The following REXO5 variants were observed in gnomAD, a reference collection of about 807,000 sequenced individuals.
REXO5 encodes the protein RNA exonuclease 5, also known as exonuclease NEF-sp.
A neutral mutation model predicts 88.5 loss-of-function variants in REXO5; 48 were observed. The observed-to-expected ratio is 0.54, with a 90% confidence interval of 0.43 to 0.69. The LOEUF (loss-of-function observed/expected upper bound fraction) is 0.69, where lower values mean the gene tolerates loss of function less well. REXO5 is among the 30% of genes least tolerant of loss of function. The pLI, the probability that REXO5 is intolerant of heterozygous loss-of-function variation, is 0.00. For synonymous variants in REXO5, 311 were observed against 336.5 expected, an observed-to-expected ratio of 0.92 and a Z score of 0.83; for missense variants, 749 against 912.2, an observed-to-expected ratio of 0.82 and a Z score of 2.30.
At chr16:20,831,490 T>G (rs971093110) in intron 11 of REXO5, among the ~76,000 whole-genome samples, 1 of 152,180 alleles carries the variant, frequency 6.6e-6, no homozygotes, top group Admixed American at 6.5e-5. Context: ...TTGTGACAAA[T>G]GCACCATACA....
intron 15 of REXO5, among the ~76,000 whole-genome samples, chr16:20,841,070 G>A (rs988300258): frequency 6.6e-6 from 1 of 152,014 alleles, no homozygotes; most frequent in Admixed American, 6.6e-5. Context: ...GATTATGGGA[G>A]GGCTTTTGTT....
At chr16:20,827,963 A>T (rs142774480) in intron 10 of REXO5, among the ~76,000 whole-genome samples, 176 of 152,322 alleles carry the variant, frequency 1.2e-3, no homozygotes, top group African/African-American at 4.1e-3. Context: ...AGATCTATAT[A>T]TGCCTCAATA....
intron 11 of REXO5, among the ~76,000 whole-genome samples, chr16:20,831,397 G>T (rs762515636): frequency 5.3e-5 from 8 of 151,998 alleles, no homozygotes; most frequent in Non-Finnish European, 7.4e-5. Flanking sequence ...AGTGAAAATT[G>T]TGTCTCACTT....
intron 2 of REXO5, chr16:20,807,486 G>A (rs1039457557): frequency 5.1e-6 from 1 of 196,950 alleles, no homozygotes; most frequent in Non-Finnish European, 1.1e-5. Flanking sequence ...GGGAGGCTGA[G>A]GCAGGAGAAT....
chr16:20,833,539 T>C (rs187630491), intron 13 of REXO5, among the ~76,000 whole-genome samples: 72 of 152,378 alleles, frequency 4.7e-4, no homozygotes, highest in African/African-American at 1.7e-3. Context: ...TGTTTGTTTT[T>C]TTTTAACATT....
chr16:20,831,368 T>A (rs576475279), intron 11 of REXO5, among the ~76,000 whole-genome samples: 8 of 152,302 alleles, frequency 5.3e-5, no homozygotes, highest in African/African-American at 1.9e-4. Flanking sequence ...CTTGGGGCAC[T>A]TAATTATGCT....
chr16:20,815,285 A>AT (rs2081063924), intron 4 of REXO5, among the ~76,000 whole-genome samples: 1 of 152,168 alleles, frequency 6.6e-6, no homozygotes, highest in Non-Finnish European at 1.5e-5. Flanking sequence ...ATATTGTTCT[A>AT]TTTTATTTGG....
chr16:20,815,749 C>T (rs2081072343), intron 4 of REXO5, among the ~76,000 whole-genome samples: 1 of 152,192 alleles, frequency 6.6e-6, no homozygotes, highest in African/African-American at 2.4e-5. Flanking sequence ...CCCAGGTGAA[C>T]CTGAAGCTGA....
chr16:20,844,126 A>G (rs772928386), intron 16 of REXO5, 100 bp downstream of exon 16: 120 of 696,150 alleles, frequency 1.7e-4, no homozygotes, highest in Non-Finnish European at 2.7e-4. Context: ...CAAGAGGCCC[A>G]CGCACAAGAC....
intron 4 of REXO5, 111 bp downstream of exon 4, chr16:20,815,164 G>A (rs531487072): frequency 6.8e-5 from 84 of 1,230,242 alleles, no homozygotes; most frequent in Non-Finnish European, 8.9e-5. Flanking sequence ...AACAGTAGGG[G>A]ATATAGAAAG....
intron 16 of REXO5, 26 bp downstream of exon 16, chr16:20,844,052 T>C: frequency 7.0e-7 from 1 of 1,436,298 alleles, no homozygotes; most frequent in Non-Finnish European, 9.8e-7. Flanking sequence ...AAAGCCCCCT[T>C]TGCTTGGGTC....
At chr16:20,812,631 G>A (rs967702124) in intron 2 of REXO5, among the ~76,000 whole-genome samples, 9 of 152,136 alleles carry the variant, frequency 5.9e-5, no homozygotes, top group Non-Finnish European at 1.3e-4. Context: ...AGCTTAGGCC[G>A]CATTGATCTA....
chr16:20,815,448 C>T (rs868692208), intron 4 of REXO5, among the ~76,000 whole-genome samples: 50 of 152,266 alleles, frequency 3.3e-4, no homozygotes, highest in African/African-American at 1.1e-3. Context: ...TCCATTTTCC[C>T]GTAGCCTCTT....
rs565610660 is a variant in REXO5 at position 20,845,024 on chromosome 16, A to G, written c.1937-30A>G. The G allele has an allele frequency of 8.7e-6, 14 of 1,604,252 alleles. No homozygotes were observed. The South Asian group carries it at 1.5e-4, about 18-fold the overall frequency. On this transcript the variant is annotated intron_variant, in intron 17 of 19. Coordinates refer to ENST00000261377, the MANE Select transcript of REXO5 (RefSeq NM_030941.3). ...TGGTGATCAGCTTTCTTGGCCCTTA[A>G]TAACATAAGGTGGGGGTTCTTGCTT...
At chr16:20,812,476 G>A (rs773018623) in intron 2 of REXO5, among the ~76,000 whole-genome samples, 1 of 152,158 alleles carries the variant, frequency 6.6e-6, no homozygotes, top group Non-Finnish European at 1.5e-5. Flanking sequence ...AGTGAGCAAA[G>A]ATAGCGCCAC....
intron 15 of REXO5, among the ~76,000 whole-genome samples, chr16:20,843,279 C>G (rs1596613439): frequency 6.6e-6 from 1 of 151,972 alleles, no homozygotes; most frequent in East Asian, 1.9e-4. Flanking sequence ...GGATATTAAT[C>G]TTTTATTAGC....
At chr16:20,847,165 T>C (rs1345457117) in intron 19 of REXO5, among the ~76,000 whole-genome samples, 1 of 151,784 alleles carries the variant, frequency 6.6e-6, no homozygotes, top group African/African-American at 2.4e-5. Flanking sequence ...ATCCTAGCAC[T>C]TTAGAAGGCC....
chr16:20,819,769 A>AC (rs1199979220), intron 5 of REXO5, among the ~76,000 whole-genome samples: 1 of 151,616 alleles, frequency 6.6e-6, no homozygotes, highest in East Asian at 1.9e-4. Context: ...AAAAAAAAAA[A>AC]AATTTAGAGT....
chr16:20,827,188 G>A lies in REXO5; in HGVS notation c.952G>A (p.Ala318Thr). The change falls in exon 9 of 20, where the codon GCA becomes ACA. Residue 318 changes from alanine (A) to threonine (T), a missense_variant. Transcript: ENST00000261377. ...VGHSLDLDLR[A>T]LKMIHPYVID... ...CCACTCCTTAGATTTGGATCTCAGAGCACTGAAAGTGAGTATCTGATTTAG... is the reference window on the plus strand; with the variant it reads ...CCACTCCTTAGATTTGGATCTCAGAACACTGAAAGTGAGTATCTGATTTAG... 1 of 1,614,116 alleles carries A rather than the reference G, an allele frequency of 6.2e-7. No individual in the cohort carries two copies. Among genetic ancestry groups the A allele is most frequent in the South Asian group, 1.1e-5 (1 of 91,074 alleles).
Sources: gnomAD v4.1 joint callset for allele counts (sites outside exome capture counted in the v4.1 genomes callset) on GRCh38, gnomAD v4.1.1 for gene constraint, MANE v1.5 for transcripts, NCBI Gene and HGNC (gene_info 2026-07-23, HGNC 2026-07-21) for gene names.